ZNF750: variants seen among roughly 807,000 people sequenced by gnomAD.
ZNF750 encodes zinc finger protein 750, also known as protein ZNF750.
A neutral mutation model predicts 31.6 loss-of-function variants in ZNF750; 10 were observed. The observed-to-expected ratio is 0.32, with a 90% CI of 0.19 to 0.54. ZNF750 has a LOEUF of 0.54. Among genes scored for constraint, ZNF750 ranks in the 20% least tolerant of loss-of-function variants. The pLI, the probability that ZNF750 is intolerant of heterozygous loss-of-function variation, is 0.95. For missense variants in ZNF750, 914 were observed against 934.9 expected (o/e 0.98, Z 0.29); for synonymous variants, 400 against 404.9 (o/e 0.99, Z 0.15).
In ZNF750 at chr17:82,832,003, G is replaced by C. The variant is rs1237178769; in HGVS notation, c.452C>G (p.Pro151Arg). ...AGGCCGAGCTGCGCCTTCCAGAGCA[G>C]GCTGGGCACCGAGGGCGGCTTCCGG... is the stretch of plus-strand genomic sequence containing the variant. ...PAPEAALGAQ[P>R]ALEGAARPSA... Residue 151 changes from proline (P) to arginine (R), a missense_variant, in exon 2 of 3, where the codon CCT (proline) becomes CGT (arginine). Around this residue, in one of 2 missense-constraint regions of ZNF750, gnomAD observed 880 missense variants for 868.9 expected, o/e 1.01. Coordinates refer to ENST00000269394, the MANE Select transcript of ZNF750 (RefSeq NM_024702.3). This position sits in a 1 kb window ranked among gnomAD's most constrained non-coding sequence, Gnocchi z 4.9. The C allele has an allele frequency of 4.3e-6, 7 of 1,612,700 alleles. No individual in the cohort carries two copies. Among genetic ancestry groups the C allele is most frequent in the East Asian group, 4.5e-5 (2 of 44,868 alleles).
rs1567850026 is a variant in ZNF750 at position 82,830,406 on chromosome 17, C to T, written c.1908G>A (p.Val636=). 6.2e-7 allele frequency: 1 copy of T among 1,611,826 alleles called. No individual in the cohort carries two copies. Among genetic ancestry groups the T allele is most frequent in the African/African-American group, 1.3e-5 (1 of 75,066 alleles). The change falls in exon 3 of 3, where the codon GTG becomes GTA. Residue 636 remains valine, a synonymous_variant. Transcript: ENST00000269394. Reference sequence around the variant, plus strand: ...TGTAGGCCGCCAGCTGGCACAGGGCCACGGCTGCCGTCTGCTTCTGCTCCT... The same window carrying T: ...TGTAGGCCGCCAGCTGGCACAGGGCTACGGCTGCCGTCTGCTTCTGCTCCT... ...SSEEQKQTAA[V]ALCQLAAYSP... is the part of the protein sequence containing the mutation.
At chr17:82,838,673 C>A (rs1228144460) in intron 1 of ZNF750, 10 of 985,462 alleles carry the variant, frequency 1.0e-5, no homozygotes, top group Non-Finnish European at 1.2e-5. Flanking sequence ...CCACTCCCTC[C>A]CAGCCTTTCG....
At position 82,831,115 on chromosome 17, in the gene ZNF750, G is replaced by C. The variant is rs748944330; in HGVS notation, c.1340C>G (p.Pro447Arg). 1.2e-6 allele frequency: 2 copies of C among 1,614,028 alleles called. No homozygotes were observed. The highest frequency in any genetic ancestry group is 1.7e-5 in the Admixed American group (1 of 59,992). Residue 447 changes from proline (P) to arginine (R), a missense_variant, in exon 2 of 3, where the codon CCG becomes CGG. By Grantham distance (103) the Pro-to-Arg change is moderately radical. This residue lies in a region of ZNF750 where 880 missense variants were observed against 868.9 expected (regional missense o/e 1.01). Transcript: ENST00000269394. The surrounding 1 kb of genome is among the most constrained non-coding windows in gnomAD (Gnocchi z 4.6). ...AASSALGRLY[P>R]PEQSLTAFRP... ...GAAGGCTGTGAGGCTTTGCTCTGGC[G>C]GGTAGAGTCTTCCCAGTGCGCTGGA...
chr17:82,835,065 C>CA lies in ZNF750; in HGVS notation c.-182-2430dup, dbSNP rs1255098092. ...TGGGCAACAGAATGAGACCCTGCCT[C>CA]AAAAAAAAGCTAAATGGAAATGACT... On this transcript the variant is annotated intron_variant, in intron 1 of 2. Coordinates refer to ENST00000269394, the MANE Select transcript of ZNF750 (RefSeq NM_024702.3). This position sits in a 1 kb window ranked among gnomAD's most constrained non-coding sequence, Gnocchi z 4.5. Among the ~76,000 whole-genome samples, 1 of 150,940 alleles carries CA rather than the reference C, an allele frequency of 6.6e-6. No individual in the cohort carries two copies. Among genetic ancestry groups the CA allele is most frequent in the Non-Finnish European group, 1.5e-5 (1 of 67,762 alleles).
Position 82,831,297 on chromosome 17 carries a change from G to A in ZNF750, c.1158C>T (p.Asp386=), listed in dbSNP as rs2053487806. 1.9e-6 allele frequency: 3 copies of A among 1,613,798 alleles called. No homozygotes were observed. The highest frequency in any genetic ancestry group is 1.3e-5 in the African/African-American group (1 of 74,932). Residue 386 remains aspartate, a synonymous_variant, in exon 2 of 3, where the codon GAC becomes GAT. Transcript: ENST00000269394. The surrounding 1 kb of genome is among the most constrained non-coding windows in gnomAD (Gnocchi z 4.6). ...TGTCTCTCTGCCCAGCCTTGGAGGA[G>A]TCTTTAGCCTCAGGAATTGGACTTT... ...EFESPIPEAK[D]SSKAGQRDTE...
chr17:82,839,100 G>A (rs1244435350), intron 1 of ZNF750: 3 of 437,198 alleles, frequency 6.9e-6, no homozygotes, highest in South Asian at 9.6e-5. Flanking sequence ...TTTTGTTTTC[G>A]AAAGCTTATG....
chr17:82,839,846 C>T (rs867969044), intron 1 of ZNF750, 81 bp downstream of exon 1: 2 of 152,200 alleles, frequency 1.3e-5, no homozygotes, highest in Non-Finnish European at 2.9e-5. Context: ...GCAAACGCTG[C>T]GTTCAGCTGG....
At chr17:82,838,877 T>G in intron 1 of ZNF750, 1 of 985,462 alleles carries the variant, frequency 1.0e-6, no homozygotes, top group Non-Finnish European at 1.2e-6. Context: ...CGCCTCATCC[T>G]GAAACTCCGG....
Position 82,837,015 on chromosome 17 carries a change from C to T in ZNF750, c.-183+2912G>A, listed in dbSNP as rs1399139812. On this transcript the variant is annotated intron_variant, in intron 1 of 2. Transcript: ENST00000269394. Reference sequence around the variant, plus strand: ...AGTCTCGGGCAGTGGTTTTAGTAACCTTGGATAAACCGACCTCTCAGGCTT... The same window carrying T: ...AGTCTCGGGCAGTGGTTTTAGTAACTTTGGATAAACCGACCTCTCAGGCTT... Among the ~76,000 whole-genome samples, 5 of 152,258 alleles carry T rather than the reference C, an allele frequency of 3.3e-5. No individual in the cohort carries two copies. The East Asian group carries it at 9.6e-4, about 29-fold the overall frequency.
In ZNF750 at chr17:82,835,942, AG is replaced by A. The variant is rs1274154383; in HGVS notation, c.-182-3307del. ...ACAAGATGTTTGTTACCCTACAACC[AG>A]GGAGGGTGTCGGGTGACACCCTGGG... On this transcript the variant is annotated intron_variant, in intron 1 of 2. Coordinates refer to ENST00000269394, the MANE Select transcript of ZNF750 (RefSeq NM_024702.3). The surrounding 1 kb of genome is among the most constrained non-coding windows in gnomAD (Gnocchi z 4.5). Among the ~76,000 whole-genome samples, 9 of 152,226 alleles carry A rather than the reference AG, an allele frequency of 5.9e-5. No individual in the cohort carries two copies. Among genetic ancestry groups the A allele is most frequent in the Non-Finnish European group, 2.9e-5 (2 of 68,034 alleles).
rs778649930 is a variant in ZNF750, at chr17:82,831,230, T to G, written c.1225A>C (p.Thr409Pro). 5.0e-6 allele frequency: 8 copies of G among 1,613,942 alleles called. No individual in the cohort carries two copies. The South Asian group carries it at 8.8e-5, about 18-fold the overall frequency. The change falls in exon 2 of 3, where the codon ACG becomes CCG. Residue 409 changes from threonine (T) to proline (P), a missense_variant. Transcript: ENST00000269394. The surrounding 1 kb of genome is among the most constrained non-coding windows in gnomAD (Gnocchi z 4.6). ...KMSPRAGSAA[T>P]GSPGRPSPTD... ...GGGCTCGGCCTCCCTGGGGAGCCCG[T>G]GGCTGCACTCCCTGCGCGGGGGCTC...
intron 1 of ZNF750, among the ~76,000 whole-genome samples, chr17:82,836,905 C>G (rs556079801): frequency 6.6e-6 from 1 of 152,150 alleles, no homozygotes; most frequent in African/African-American, 2.4e-5. Context: ...AGTTAGTTCA[C>G]GTAAGCGGGT....
chr17:82,830,377 G>A lies in ZNF750; in HGVS notation c.1937C>T (p.Pro646Leu). ...VALCQLAAYS[P>L]RNIRVGDGDA... Reference sequence around the variant, plus strand: ...CCCATCGCCCACCCGGATGTTCCTGGGGCTGTAGGCCGCCAGCTGGCACAG... The same window carrying A: ...CCCATCGCCCACCCGGATGTTCCTGAGGCTGTAGGCCGCCAGCTGGCACAG... Residue 646 changes from proline to leucine, a missense_variant, in exon 3 of 3, where the codon CCC (proline) becomes CTC (leucine). Pro to Leu is a moderately conservative substitution (Grantham distance 98). This residue lies in a region of ZNF750 where 880 missense variants were observed against 868.9 expected (regional missense o/e 1.01). Transcript: ENST00000269394. The A allele has an allele frequency of 1.2e-6, 2 of 1,612,842 alleles. No individual in the cohort carries two copies. The highest frequency in any genetic ancestry group is 1.7e-6 in the Non-Finnish European group (2 of 1,180,024).
At chr17:82,837,981 T>A (rs1452696674) in intron 1 of ZNF750, among the ~76,000 whole-genome samples, 1 of 152,256 alleles carries the variant, frequency 6.6e-6, no homozygotes, top group East Asian at 1.9e-4. Flanking sequence ...TTTCTTGCCA[T>A]ATTTACAGAT....
chr17:82,832,175 C>T lies in ZNF750; in HGVS notation c.280G>A (p.Gly94Arg). 1 of 1,614,230 alleles carries T rather than the reference C, an allele frequency of 6.2e-7. No individual in the cohort carries two copies. Among genetic ancestry groups the T allele is most frequent in the Non-Finnish European group, 8.5e-7 (1 of 1,180,038 alleles). ...AGCTTCGAGTCGAAGGCAGAGAGTC[C>T]ATTTGCGACAGACTTGGAAGAGGCT... Reference protein sequence around the residue: ...KPASSKSVANGLSAFDSKLQH... With the variant: ...KPASSKSVANRLSAFDSKLQH... Residue 94 changes from glycine (G) to arginine (R), a missense_variant, in exon 2 of 3, where the codon GGA becomes AGA. By Grantham distance (125) the Gly-to-Arg change is moderately radical (BLOSUM62 -2). Around this residue, in one of 2 missense-constraint regions of ZNF750, gnomAD observed 880 missense variants for 868.9 expected, o/e 1.01. Coordinates refer to ENST00000269394, the MANE Select transcript of ZNF750 (RefSeq NM_024702.3). This position sits in a 1 kb window ranked among gnomAD's most constrained non-coding sequence, Gnocchi z 4.9.
intron 1 of ZNF750, among the ~76,000 whole-genome samples, chr17:82,837,671 T>C (rs1269946560): frequency 6.6e-6 from 1 of 152,146 alleles, no homozygotes; most frequent in Non-Finnish European, 1.5e-5. Context: ...CTCCTCTCAT[T>C]TCCCACTGGA....
In ZNF750 at chr17:82,835,975, C is replaced by A. The variant is rs534162529; in HGVS notation, c.-182-3339G>T. Among the ~76,000 whole-genome samples, 282 of 152,332 alleles carry A rather than the reference C, an allele frequency of 1.9e-3. No homozygotes were observed. Among genetic ancestry groups the A allele is most frequent in the African/African-American group, 6.0e-3 (249 of 41,588 alleles). Reference sequence around the variant, plus strand: ...TGTCGGGTGACACCCTGGGCTCAGACCCCGCGCTCAGCACCCGTCTCCCAC... The same window carrying A: ...TGTCGGGTGACACCCTGGGCTCAGAACCCGCGCTCAGCACCCGTCTCCCAC... On this transcript the variant is annotated intron_variant, in intron 1 of 2. Transcript: ENST00000269394. The surrounding 1 kb of genome is among the most constrained non-coding windows in gnomAD (Gnocchi z 4.5).
intron 1 of ZNF750, among the ~76,000 whole-genome samples, chr17:82,834,367 T>G (rs2053783166): frequency 6.6e-6 from 1 of 152,146 alleles, no homozygotes; most frequent in African/African-American, 2.4e-5. Flanking sequence ...GTGCAATGGA[T>G]CAAGGCTAAG....
Position 82,830,227 on chromosome 17 carries a change from C to A in ZNF750, c.2087G>T (p.Gly696Val). The change falls in exon 3 of 3, where the codon GGA (glycine) becomes GTA (valine). Residue 696 changes from glycine to valine, a missense_variant. This residue lies in a region of ZNF750 where 880 missense variants were observed against 868.9 expected (regional missense o/e 1.01). Coordinates refer to ENST00000269394, the MANE Select transcript of ZNF750 (RefSeq NM_024702.3). ...GQKRTSLRDA[G>V]KSQQGAKKAK... ...CTTCTTAGCTCCTTGCTGGGATTTT[C>A]CAGCATCCCTTAGACTTGTCCTCTT... 1 of 1,614,232 alleles carries A rather than the reference C, an allele frequency of 6.2e-7. No individual in the cohort carries two copies. Among genetic ancestry groups the A allele is most frequent in the Non-Finnish European group, 8.5e-7 (1 of 1,180,044 alleles).
Sources: gnomAD v4.1 joint callset for allele counts (sites outside exome capture counted in the v4.1 genomes callset) on GRCh38, gnomAD v4.1.1 for gene constraint, gnomAD v4.1.1 regional missense constraint, Gnocchi (gnomAD v3.1) non-coding constraint, MANE v1.5 for transcripts, NCBI Gene and HGNC (gene_info 2026-07-23, HGNC 2026-07-21) for gene names.